BMPR1B: variants seen among roughly 807,000 people sequenced by gnomAD.
BMPR1B encodes the protein bone morphogenetic protein receptor type-1B.
A neutral mutation model predicts 59.1 loss-of-function variants in BMPR1B; 12 were observed. That is an observed-to-expected ratio of 0.20 (90% CI 0.13 to 0.33). The LOEUF (loss-of-function observed/expected upper bound fraction) is 0.33, where lower values mean the gene tolerates loss of function less well. BMPR1B is among the 10% of genes least tolerant of loss of function. The probability of loss-of-function intolerance (pLI) is 1.00; values close to 1 mark genes in which losing one functional copy is unlikely to be tolerated. For synonymous variants in BMPR1B, 237 were observed against 207.3 expected, an observed-to-expected ratio of 1.14 and a Z score of -1.23; for missense variants, 550 against 610.9, an observed-to-expected ratio of 0.90 and a Z score of 1.05.
At chr4:94,997,971 G>T (rs1722173739) in intron 3 of BMPR1B, among the ~76,000 whole-genome samples, 1 of 151,838 alleles carries the variant, frequency 6.6e-6, no homozygotes, top group Non-Finnish European at 1.5e-5. Flanking sequence ...TGAAATTTGG[G>T]CAGAAAACAA....
chr4:95,134,121 T>C (rs1409785510), intron 10 of BMPR1B, among the ~76,000 whole-genome samples: 1 of 152,146 alleles, frequency 6.6e-6, no homozygotes. Flanking sequence ...GAACATGCGA[T>C]GTTTGGTTTT....
chr4:95,082,655 G>A (rs1415345020), intron 3 of BMPR1B, among the ~76,000 whole-genome samples: 1 of 152,152 alleles, frequency 6.6e-6, no homozygotes, highest in East Asian at 1.9e-4. Flanking sequence ...GTAAATGGCA[G>A]ATCTGGAATC....
chr4:94,915,404 C>G (rs1374786973), intron 2 of BMPR1B, among the ~76,000 whole-genome samples: 1 of 152,180 alleles, frequency 6.6e-6, no homozygotes, highest in Non-Finnish European at 1.5e-5. Context: ...ATCACTCTCT[C>G]TGAACCAATT....
intron 2 of BMPR1B, among the ~76,000 whole-genome samples, chr4:94,979,962 GT>G (rs2149086252): frequency 6.6e-6 from 1 of 152,294 alleles, no homozygotes; most frequent in African/African-American, 2.4e-5. Context: ...TTTTGTGGGG[GT>G]ACCAGGTATG....
chr4:94,996,239 A>C (rs902877886), intron 3 of BMPR1B, 105 bp downstream of exon 3: 15 of 152,296 alleles, frequency 9.8e-5, no homozygotes, highest in African/African-American at 3.6e-4. Context: ...AAAGCTAATG[A>C]GGAGGGCTGC....
intron 1 of BMPR1B, among the ~76,000 whole-genome samples, chr4:94,829,034 T>A (rs1376002147): frequency 3.4e-5 from 5 of 148,802 alleles, no homozygotes; most frequent in African/African-American, 1.2e-4. Flanking sequence ...AGAAAATAGG[T>A]GTGGTATAAT....
intron 2 of BMPR1B, among the ~76,000 whole-genome samples, chr4:94,991,144 T>TGACTCTGTCCTC (rs1241590888): frequency 6.6e-6 from 1 of 152,184 alleles, no homozygotes; most frequent in Non-Finnish European, 1.5e-5. Context: ...CCTCAGTCCT[T>TGACTCTGTCCTC]GACTCTGTCC....
At chr4:95,050,414 C>T (rs1415184149) in intron 3 of BMPR1B, among the ~76,000 whole-genome samples, 1 of 151,994 alleles carries the variant, frequency 6.6e-6, no homozygotes, top group Non-Finnish European at 1.5e-5. Flanking sequence ...CATGAAAGTA[C>T]TTAGGAAAGT....
chr4:95,009,920 A>G (rs1219214205), intron 3 of BMPR1B, among the ~76,000 whole-genome samples: 2 of 152,222 alleles, frequency 1.3e-5, no homozygotes, highest in Non-Finnish European at 2.9e-5. Context: ...GAAGTTGAGA[A>G]TCTAGCCAAA....
Position 94,959,080 on chromosome 4 carries a change from C to T in BMPR1B, c.-112-36960C>T, listed in dbSNP as rs1166781139. On this transcript the variant is annotated intron_variant, in intron 2 of 12. Coordinates refer to ENST00000515059, the MANE Select transcript of BMPR1B (RefSeq NM_001203.3). ...TAAGGGAGACCAGATTTTAGGGTTGCTTGAAAGCCACGAAAAGGTGTTTTA... is the reference window on the plus strand; with the variant it reads ...TAAGGGAGACCAGATTTTAGGGTTGTTTGAAAGCCACGAAAAGGTGTTTTA... 3.3e-5 allele frequency among the ~76,000 whole-genome samples: 5 copies of T among 152,140 alleles called. 1 individual carries two copies. Among genetic ancestry groups the T allele is most frequent in the South Asian group, 2.1e-4 (1 of 4,818 alleles).
intron 3 of BMPR1B, among the ~76,000 whole-genome samples, chr4:95,086,277 TG>T (rs1276823610): frequency 1.3e-5 from 2 of 152,174 alleles, no homozygotes; most frequent in Non-Finnish European, 2.9e-5. Context: ...ATAGAGGTTT[TG>T]AATGGCAAAT....
intron 3 of BMPR1B, among the ~76,000 whole-genome samples, chr4:95,086,663 G>T (rs1207603224): frequency 1.3e-5 from 2 of 152,128 alleles, no homozygotes; most frequent in East Asian, 3.9e-4. Flanking sequence ...TACTGCTAAG[G>T]AATAGATCTA....
chr4:95,003,271 T>A (rs1241479434), intron 3 of BMPR1B, among the ~76,000 whole-genome samples: 1 of 152,228 alleles, frequency 6.6e-6, no homozygotes, highest in African/African-American at 2.4e-5. Flanking sequence ...TGACCAATAC[T>A]TCAGCACTTT....
chr4:95,089,167 C>A (rs1467826264), intron 3 of BMPR1B, among the ~76,000 whole-genome samples: 1 of 152,214 alleles, frequency 6.6e-6, no homozygotes, highest in Non-Finnish European at 1.5e-5. Flanking sequence ...TATCCAACTT[C>A]TTAAAAATAT....
chr4:94,788,977 A>G (rs12509881), intron 1 of BMPR1B, among the ~76,000 whole-genome samples: 85,127 of 152,026 alleles, frequency 0.56, 24,033 homozygotes, highest in Middle Eastern at 0.7. Context: ...GAGGTGATGA[A>G]GGCCTGGCCT....
At chr4:95,086,364 A>C (rs1328701627) in intron 3 of BMPR1B, among the ~76,000 whole-genome samples, 1 of 152,204 alleles carries the variant, frequency 6.6e-6, no homozygotes, top group Non-Finnish European at 1.5e-5. Context: ...GGCTTGTTAC[A>C]CAGCAGTCAA....
intron 1 of BMPR1B, among the ~76,000 whole-genome samples, chr4:94,770,460 G>A (rs1177791747): frequency 6.6e-6 from 1 of 151,952 alleles, no homozygotes; most frequent in Non-Finnish European, 1.5e-5. Context: ...GAGAAGTATA[G>A]TAACCCTATA....
rs1029854543 is a variant in BMPR1B, at chr4:95,155,100, C to G, written c.*427C>G. The G allele has an allele frequency of 5.5e-6, 1 of 180,446 alleles. No homozygotes were observed. The highest frequency in any genetic ancestry group is 2.4e-5 in the African/African-American group (1 of 41,782). 11.2% of individuals were successfully genotyped at this position (180,446 alleles called of 1,614,324 possible). On this transcript the variant is annotated 3_prime_UTR_variant, in exon 13 of 13. Transcript: ENST00000515059. The stretch of plus-strand genomic sequence containing the variant: ...CTCTGCTGGAAGGTAAATTAAAATA[C>G]TTGTTTTTCCATTGGTAAAATATTG...
intron 1 of BMPR1B, among the ~76,000 whole-genome samples, chr4:94,796,530 G>A (rs1186147599): frequency 6.6e-6 from 1 of 152,042 alleles, no homozygotes; most frequent in Middle Eastern, 3.4e-3. Flanking sequence ...TTGAAAAGAG[G>A]TTCTTAATTT....
Sources: gnomAD v4.1 joint callset for allele counts (sites outside exome capture counted in the v4.1 genomes callset) on GRCh38, gnomAD v4.1.1 for gene constraint, MANE v1.5 for transcripts, NCBI Gene and HGNC (gene_info 2026-07-23, HGNC 2026-07-21) for gene names.